Variants in NCR1 observed in about 807,000 individuals in gnomAD.
NCR1 encodes natural cytotoxicity triggering receptor 1.
A neutral mutation model predicts 32.5 loss-of-function variants in NCR1; 30 were observed. The ratio of observed to expected loss-of-function variants is 0.92; its 90% CI spans 0.69 to 1.25. The LOEUF (loss-of-function observed/expected upper bound fraction) is 1.25, where lower values mean the gene tolerates loss of function less well. Among genes scored for constraint, NCR1 ranks in the 50% most tolerant of loss-of-function variants. The pLI, the probability that NCR1 is intolerant of heterozygous loss-of-function variation, is 0.00. For missense variants in NCR1, 369 were observed against 380.7 expected (o/e 0.97, Z 0.26); for synonymous variants, 169 against 143.4 (o/e 1.18, Z -1.28).
At chr19:54,902,701 G>A (rs2067321262), upstream of NCR1, among the ~76,000 whole-genome samples, 1 of 152,170 alleles carries the variant, frequency 6.6e-6, no homozygotes, top group Admixed American at 6.6e-5. Context: ...TGAGGTCTGA[G>A]GATCCAGCCT....
intron 3 of NCR1, 33 bp downstream of exon 3, chr19:54,906,840 C>T (rs1003563608): frequency 1.9e-6 from 3 of 1,608,414 alleles, no homozygotes; most frequent in Non-Finnish European, 2.5e-6. Flanking sequence ...GGAGAGTGAT[C>T]TCAGTCTGCA....
At chr19:54,909,969 C>G (rs763134188) in intron 4 of NCR1, 49 bp from the exon 5 acceptor site, 9 of 1,458,572 alleles carry the variant, frequency 6.2e-6, no homozygotes, top group Admixed American at 1.9e-5. Context: ...ATGGCAAGAC[C>G]GGAGGAAACC....
chr19:54,933,309 C>G, the NCR1 span, among the ~76,000 whole-genome samples: 1 of 152,020 alleles, frequency 6.6e-6, no homozygotes, highest in Non-Finnish European at 1.5e-5. Flanking sequence ...CCACACCTGG[C>G]TAATTTTTGG....
downstream of NCR1, among the ~76,000 whole-genome samples, chr19:54,915,025 G>A (rs1374672263): frequency 6.6e-6 from 1 of 151,964 alleles, no homozygotes; most frequent in Admixed American, 6.6e-5. Context: ...TTACAGGCGT[G>A]AGCCACTGCG....
At chr19:54,903,953 C>A (rs115888487), upstream of NCR1, among the ~76,000 whole-genome samples, 8,445 of 151,084 alleles carry the variant, frequency 0.056, 300 homozygotes, top group Middle Eastern at 0.12. Context: ...TGGTAAAAAC[C>A]GGTCTCTACT....
upstream of NCR1, among the ~76,000 whole-genome samples, chr19:54,903,439 C>CATATATGTATGTATACACGCATAT (rs1353814867): frequency 8.7e-6 from 1 of 115,522 alleles, no homozygotes; most frequent in Non-Finnish European, 1.8e-5. Flanking sequence ...TACACGCATA[C>CATATATGTATGTATACACGCATAT]ATGTATGTAT....
chr19:54,927,615 T>C, the NCR1 span: 3 of 1,613,886 alleles, frequency 1.9e-6, no homozygotes, highest in Non-Finnish European at 2.5e-6. Context: ...CTGAGTATCT[T>C]CAAGGATCCA....
chr19:54,933,396 C>T, the NCR1 span, among the ~76,000 whole-genome samples: 1 of 152,182 alleles, frequency 6.6e-6, no homozygotes, highest in African/African-American at 2.4e-5. Context: ...CCACCCGCCT[C>T]GGCCTCCCAA....
At chr19:54,937,035 G>A in the NCR1 span, among the ~76,000 whole-genome samples, 6 of 151,642 alleles carry the variant, frequency 4.0e-5, no homozygotes, top group South Asian at 2.1e-4. Context: ...TGGCTAACAC[G>A]GTGAAACCCC....
chr19:54,916,444 G>A (rs573536537), downstream of NCR1, among the ~76,000 whole-genome samples: 22 of 147,562 alleles, frequency 1.5e-4, no homozygotes, highest in Admixed American at 3.4e-4. Flanking sequence ...TCAGCCTCCC[G>A]AGTAGCTGGG....
rs764922997 is a variant in NCR1, at chr19:54,912,754, G to T, written c.798G>T (p.Leu266=). 1.9e-6 allele frequency: 3 copies of T among 1,614,042 alleles called. No individual in the cohort carries two copies. In the Admixed American group the frequency reaches 5.0e-5, roughly 27 times the overall value. ...GGATGGGCCTGGCCTTTCTAGTCCTGGTGGCTCTAGTGTGGTTCCTGGTTG... is the reference window on the plus strand; with the variant it reads ...GGATGGGCCTGGCCTTTCTAGTCCTTGTGGCTCTAGTGTGGTTCCTGGTTG... ...LLRMGLAFLV[L]VALVWFLVED... The change falls in exon 7 of 7, where the codon CTG becomes CTT. Residue 266 remains leucine (L), a synonymous_variant. Transcript: ENST00000291890.
At chr19:54,910,523 C>T (rs1446408626) in intron 5 of NCR1, among the ~76,000 whole-genome samples, 4 of 152,124 alleles carry the variant, frequency 2.6e-5, no homozygotes, top group Non-Finnish European at 4.4e-5. Flanking sequence ...GAGCTGAGAT[C>T]GCGCCACTGC....
At chr19:54,905,138 T>C (rs1449296954), upstream of NCR1, among the ~76,000 whole-genome samples, 2 of 152,222 alleles carry the variant, frequency 1.3e-5, no homozygotes, top group Non-Finnish European at 2.9e-5. Flanking sequence ...ACTCTGTTTG[T>C]AGTTCTCTGA....
At chr19:54,935,693 A>AG in the NCR1 span, among the ~76,000 whole-genome samples, 2 of 125,388 alleles carry the variant, frequency 1.6e-5, no homozygotes, top group Non-Finnish European at 3.1e-5. Context: ...ACTGTCTCAA[A>AG]GAAAAAAAAA....
chr19:54,924,673 C>G, the NCR1 span, among the ~76,000 whole-genome samples: 8 of 152,114 alleles, frequency 5.3e-5, no homozygotes, highest in Non-Finnish European at 8.8e-5. Context: ...CGGTGACTCA[C>G]GCCTATAATT....
chr19:54,933,079 T>C, the NCR1 span, among the ~76,000 whole-genome samples: 3 of 152,178 alleles, frequency 2.0e-5, no homozygotes, highest in African/African-American at 7.2e-5. Flanking sequence ...TCTTCCTTCA[T>C]AGCAGGAAGA....
At chr19:54,928,888 C>T in the NCR1 span, among the ~76,000 whole-genome samples, 40 of 151,874 alleles carry the variant, frequency 2.6e-4, no homozygotes, top group Non-Finnish European at 1.0e-4. Flanking sequence ...CTGCAACCTC[C>T]GCCTCCTGGG....
At chr19:54,936,679 C>A in the NCR1 span, among the ~76,000 whole-genome samples, 1 of 151,892 alleles carries the variant, frequency 6.6e-6, no homozygotes. Context: ...TTAGCTGGGG[C>A]CGAGGCAGGC....
At chr19:54,926,409 C>T in the NCR1 span, among the ~76,000 whole-genome samples, 4 of 152,208 alleles carry the variant, frequency 2.6e-5, no homozygotes, top group Non-Finnish European at 4.4e-5. Context: ...TAGAAAGATG[C>T]CTTAAGTTGA....
Sources: gnomAD v4.1 joint callset for allele counts (sites outside exome capture counted in the v4.1 genomes callset) on GRCh38, gnomAD v4.1.1 for gene constraint, MANE v1.5 for transcripts, NCBI Gene and HGNC (gene_info 2026-07-23, HGNC 2026-07-21) for gene names.